Variants in PPL observed in about 807,000 individuals in gnomAD.
The protein encoded by PPL is 190 kDa paraneoplastic pemphigus antigen.
A neutral mutation model predicts 194.4 loss-of-function variants in PPL; 198 were observed. The observed-to-expected ratio is 1.02, with a 90% confidence interval of 0.91 to 1.15. The LOEUF (loss-of-function observed/expected upper bound fraction) is 1.15. Among genes scored for constraint, PPL ranks in the 50% most tolerant of loss-of-function variants. PPL has a pLI of 0.00. For synonymous variants in PPL, 1,220 were observed against 972.4 expected (o/e 1.25, Z -4.74); for missense variants, 2,885 against 2,294.8 (o/e 1.26, Z -5.25).
chr16:4,924,071 C>T (rs1216873109), intron 1 of PPL, among the ~76,000 whole-genome samples: 2 of 152,236 alleles, frequency 1.3e-5, no homozygotes, highest in Admixed American at 6.5e-5. Flanking sequence ...AGCTGGAAAA[C>T]ATTCCCACAG....
chr16:4,911,068 AGAGCCTTTGAGGTAGTT>A, intron 1 of PPL, 119 bp from the exon 2 acceptor site: 1 of 735,714 alleles, frequency 1.4e-6, no homozygotes, highest in Admixed American at 2.3e-5. Context: ...AGCTGCCCAC[AGAGCCTTTGAGGTAGTT>A]GGGCTGTTCC....
rs1000637638 is a variant in PPL at position 4,910,772 on chromosome 16, G to T, written c.162+78C>A. On this transcript the variant is annotated intron_variant, in intron 2 of 21. Transcript: ENST00000345988. The stretch of plus-strand genomic sequence containing the variant: ...CAATCACCCCTGGGTGAGAATCACC[G>T]ATTCCAAACAGATCCTGGTCCTGAA... The T allele has an allele frequency of 1.8e-5, 23 of 1,274,414 alleles. No individual in the cohort carries two copies. In the African/African-American group the frequency reaches 2.4e-4, roughly 13 times the overall value. The allele number at this position is 1,274,414 out of a possible 1,614,324, so 78.9% of individuals were successfully genotyped here.
chr16:4,927,138 A>T (rs927753595), intron 1 of PPL, among the ~76,000 whole-genome samples: 2 of 152,214 alleles, frequency 1.3e-5, no homozygotes, highest in African/African-American at 4.8e-5. Context: ...ATTAAAAGAT[A>T]AAAGACTCTC....
In PPL at chr16:4,937,109, G is replaced by A. The variant is rs2089310793; in HGVS notation, c.-64C>T. ...CGGGCGCGCACCGAGGGGCGGGCGGGAGCGCAGGTGAGCGAGCGGCGGCGC... is the reference window on the plus strand; with the variant it reads ...CGGGCGCGCACCGAGGGGCGGGCGGAAGCGCAGGTGAGCGAGCGGCGGCGC... On this transcript the variant is annotated 5_prime_UTR_variant, in exon 1 of 22. Coordinates refer to ENST00000345988, the MANE Select transcript of PPL (RefSeq NM_002705.5). The A allele has an allele frequency of 1.2e-5, 13 of 1,089,546 alleles. No individual in the cohort carries two copies. The highest frequency in any genetic ancestry group is 1.4e-5 in the Non-Finnish European group (12 of 885,778). The allele number at this position is 1,089,546 out of a possible 1,614,324, so 67.5% of individuals were successfully genotyped here.
Position 4,893,600 on chromosome 16 carries a change from G to A in PPL, c.1433C>T (p.Ala478Val), listed in dbSNP as rs779416522. 2 of 1,609,196 alleles carry A rather than the reference G, an allele frequency of 1.2e-6. No homozygotes were observed. Among genetic ancestry groups the A allele is most frequent in the Admixed American group, 1.7e-5 (1 of 59,834 alleles). Reference sequence around the variant, plus strand: ...CTGCTGCAGCGTGCGTTTGCTCCCAGCTGCCTTCTGCCGCACGCTCCGGTA... The same window carrying A: ...CTGCTGCAGCGTGCGTTTGCTCCCAACTGCCTTCTGCCGCACGCTCCGGTA... ...SQYRSVRQKA[A>V]GSKRTLQQRY... Residue 478 changes from alanine to valine, a missense_variant, in exon 13 of 22, where the codon GCT becomes GTT. Physicochemically the swap from Ala to Val is moderately conservative, Grantham distance 64 (BLOSUM62 0). Transcript: ENST00000345988.
In PPL at chr16:4,892,032, C is replaced by T. The variant is rs1376066515; in HGVS notation, c.1829+3G>A. The T allele has an allele frequency of 6.2e-7, 1 of 1,612,746 alleles. No homozygotes were observed. The highest frequency in any genetic ancestry group is 8.5e-7 in the Non-Finnish European group (1 of 1,179,248). On this transcript the variant is annotated splice_donor_region_variant and intron_variant, in intron 15 of 21. Transcript: ENST00000345988. ...ACCTCCATGCTGCCTGTCTGCCACC[C>T]ACTTCTCCTGGGCCAAGTCCAGCAG... is the stretch of plus-strand genomic sequence containing the variant.
chr16:4,887,166 T>C lies in PPL; in HGVS notation c.2576A>G (p.Asn859Ser). 6.2e-7 allele frequency: 1 copy of C among 1,614,144 alleles called. No individual in the cohort carries two copies. The highest frequency in any genetic ancestry group is 8.5e-7 in the Non-Finnish European group (1 of 1,179,964). ...VYAINRQRLQ[N>S]LEFALNLLRQ... ...GAGGAGATTCAGAGCAAACTCCAGA[T>C]TCTGCAGCCTCTGTCTGTTGATGGC... is the stretch of plus-strand genomic sequence containing the variant. Residue 859 changes from asparagine (N) to serine (S), a missense_variant, in exon 21 of 22, where the codon AAT becomes AGT. By Grantham distance (46) the Asn-to-Ser change is conservative (BLOSUM62 1). Transcript: ENST00000345988.
At chr16:4,919,865 G>T (rs1409611942) in intron 1 of PPL, among the ~76,000 whole-genome samples, 1 of 152,162 alleles carries the variant, frequency 6.6e-6, no homozygotes, top group Admixed American at 6.5e-5. Flanking sequence ...GGAGGTCAAG[G>T]CTGCAGTGAG....
Position 4,883,689 on chromosome 16 carries a change from G to A in PPL, c.4966C>T (p.Arg1656Cys), listed in dbSNP as rs140094738. 1.2e-3 allele frequency: 1,949 copies of A among 1,614,036 alleles called. 2 individuals carry two copies. The highest frequency in any genetic ancestry group is 1.5e-3 in the Non-Finnish European group (1,804 of 1,179,994). Reference sequence around the variant, plus strand: ...TCAGGGTGGATGACTACGATGGAGCGCCGCAGGTGGTTCTCCCGCTGCTCC... The same window carrying A: ...TCAGGGTGGATGACTACGATGGAGCACCGCAGGTGGTTCTCCCGCTGCTCC... ...KREQRENHLRRSIVVIHPDTG... is the reference protein window; with the variant it reads ...KREQRENHLRCSIVVIHPDTG... The change falls in exon 22 of 22, where the codon CGC (arginine) becomes TGC (cysteine). Residue 1656 changes from arginine to cysteine, a missense_variant. Coordinates refer to ENST00000345988, the MANE Select transcript of PPL (RefSeq NM_002705.5). The surrounding 1 kb of genome is among the most constrained non-coding windows in gnomAD (Gnocchi z 4.8).
At chr16:4,898,992 C>T in intron 8 of PPL, 21 bp downstream of exon 8, 1 of 1,605,920 alleles carries the variant, frequency 6.2e-7, no homozygotes, top group Non-Finnish European at 8.5e-7. Flanking sequence ...GGGGAGGTGT[C>T]TGGTCTCGGG....
At chr16:4,900,735 T>C (rs1596557235) in intron 6 of PPL, 95 bp downstream of exon 6, 1 of 1,543,424 alleles carries the variant, frequency 6.5e-7, no homozygotes, top group South Asian at 1.1e-5. Flanking sequence ...CAGCTGCCTA[T>C]GTCATTTTTA....
chr16:4,933,428 A>G (rs2089250964), intron 1 of PPL, among the ~76,000 whole-genome samples: 1 of 152,008 alleles, frequency 6.6e-6, no homozygotes, highest in Non-Finnish European at 1.5e-5. Flanking sequence ...GGGCTCAGGG[A>G]TGCTATGTTT....
chr16:4,909,502 C>A (rs1016526174), intron 2 of PPL, among the ~76,000 whole-genome samples: 1 of 149,054 alleles, frequency 6.7e-6, no homozygotes, highest in Non-Finnish European at 1.5e-5. Context: ...TCTTGGCTCA[C>A]TGCAACCTCC....
rs1296369701 is a variant in PPL at position 4,882,591 on chromosome 16, A to C, written c.*793T>G. 1.3e-5 allele frequency: 2 copies of C among 152,242 alleles called. No homozygotes were observed. The highest frequency in any genetic ancestry group is 2.9e-5 in the Non-Finnish European group (2 of 68,060). The allele number at this position is 152,242 out of a possible 1,614,324, so 9.4% of individuals were successfully genotyped here. On this transcript the variant is annotated 3_prime_UTR_variant, in exon 22 of 22. Coordinates refer to ENST00000345988, the MANE Select transcript of PPL (RefSeq NM_002705.5). ...ATTAGTTCCCATTTTCTTATGTTCT[A>C]CATGAGATACAGAGACCCAGATATT...
chr16:4,901,203 C>T, intron 4 of PPL, 114 bp from the exon 5 acceptor site: 1 of 1,184,306 alleles, frequency 8.4e-7, no homozygotes, highest in Non-Finnish European at 1.2e-6. Context: ...TTCACGGGGC[C>T]CTGCAGAGCC....
chr16:4,887,367 G>A, intron 20 of PPL, 140 bp from the exon 21 acceptor site: 1 of 672,096 alleles, frequency 1.5e-6, no homozygotes, highest in South Asian at 1.6e-5. Flanking sequence ...ACTCCTGCCT[G>A]GAGTTAGACT....
At chr16:4,887,874 G>A (rs769683966) in intron 20 of PPL, among the ~76,000 whole-genome samples, 1 of 152,206 alleles carries the variant, frequency 6.6e-6, no homozygotes, top group Non-Finnish European at 1.5e-5. Context: ...AGGATTACAG[G>A]TGTGAGCCAC....
chr16:4,885,581 C>T lies in PPL; in HGVS notation c.3074G>A (p.Gly1025Asp), dbSNP rs771644942. ...EELEALRRQK[G>D]AREAEVLLLQ... ...GAGGAGCACCTCTGCCTCCCGGGCG[C>T]CCTTCTGCCGCCTCAGTGCCTCCAG... The change falls in exon 22 of 22, where the codon GGC becomes GAC. Residue 1025 changes from glycine to aspartate, a missense_variant. Transcript: ENST00000345988. This position sits in a 1 kb window ranked among gnomAD's most constrained non-coding sequence, Gnocchi z 6.3. 9 of 1,611,618 alleles carry T rather than the reference C, an allele frequency of 5.6e-6. No homozygotes were observed. The highest frequency in any genetic ancestry group is 6.8e-6 in the Non-Finnish European group (8 of 1,179,932).
rs918127531 is a variant in PPL, at chr16:4,890,275, T to G, written c.2222A>C (p.His741Pro). The G allele has an allele frequency of 6.2e-7, 1 of 1,614,060 alleles. No individual in the cohort carries two copies. Among genetic ancestry groups the G allele is most frequent in the Admixed American group, 1.7e-5 (1 of 59,994 alleles). The change falls in exon 18 of 22, where the codon CAC becomes CCC. Residue 741 changes from histidine (H) to proline (P), a missense_variant. By Grantham distance (77) the His-to-Pro change is moderately conservative. Coordinates refer to ENST00000345988, the MANE Select transcript of PPL (RefSeq NM_002705.5). ...GATGCTGACTAGGAACTGCAGCACG[T>G]GGTCATGGCCGCGGTGGAAGTGCTC... is the stretch of plus-strand genomic sequence containing the variant. Reference protein sequence around the residue: ...AYEHFHRGHDHVLQFLVSIPS... With the variant: ...AYEHFHRGHDPVLQFLVSIPS...
Sources: gnomAD v4.1 joint callset for allele counts (sites outside exome capture counted in the v4.1 genomes callset) on GRCh38, gnomAD v4.1.1 for gene constraint, Gnocchi (gnomAD v3.1) non-coding constraint, MANE v1.5 for transcripts, NCBI Gene and HGNC (gene_info 2026-07-23, HGNC 2026-07-21) for gene names.